The following CDH13 variants were observed in gnomAD, a reference collection of about 807,000 sequenced individuals.
CDH13 encodes cadherin-13.
CDH13 carries 24 observed loss-of-function variants against 63.8 expected under a neutral mutation model. The observed-to-expected ratio is 0.38, with a 90% CI of 0.27 to 0.53. The LOEUF (loss-of-function observed/expected upper bound fraction) is 0.53, where lower values mean the gene tolerates loss of function less well. Ranked by LOEUF, CDH13 falls within the 20% of genes least tolerant of loss-of-function variation. CDH13 has a pLI of 0.85. For missense variants in CDH13, 1,049 were observed against 903.1 expected (o/e 1.16, Z -2.07); for synonymous variants, 503 against 355.3 (o/e 1.42, Z -4.67).
intron 1 of CDH13, among the ~76,000 whole-genome samples, chr16:82,853,970 G>A (rs911464851): frequency 6.6e-6 from 1 of 152,212 alleles, no homozygotes. Context: ...TAATGTCCAA[G>A]TTCTAATTCT....
intron 1 of CDH13, among the ~76,000 whole-genome samples, chr16:82,829,029 G>T (rs2038397701): frequency 2.0e-5 from 3 of 152,048 alleles, no homozygotes; most frequent in African/African-American, 4.8e-5. Context: ...TTAGAAAAAA[G>T]GTGGACACAT....
chr16:83,202,693 C>T (rs1235323736), intron 4 of CDH13, among the ~76,000 whole-genome samples: 2 of 152,152 alleles, frequency 1.3e-5, no homozygotes, highest in African/African-American at 4.8e-5. Context: ...GGGCAGTCAA[C>T]GTGAATTTCC....
At chr16:83,146,224 AGG>A (rs2036745751) in intron 4 of CDH13, among the ~76,000 whole-genome samples, 1 of 151,464 alleles carries the variant, frequency 6.6e-6, no homozygotes, top group Admixed American at 6.6e-5. Context: ...AAGAAAAGGA[AGG>A]AGGGAAGGAA....
chr16:83,139,792 C>G (rs1408918625), intron 4 of CDH13, among the ~76,000 whole-genome samples: 1 of 152,028 alleles, frequency 6.6e-6, no homozygotes, highest in Non-Finnish European at 1.5e-5. Flanking sequence ...CACCTGAGGT[C>G]GGGAGTTTGA....
chr16:83,744,401 G>A (rs895196896), intron 10 of CDH13, among the ~76,000 whole-genome samples: 1 of 152,196 alleles, frequency 6.6e-6, no homozygotes, highest in Non-Finnish European at 1.5e-5. Flanking sequence ...ATGAAAGCCT[G>A]GTGTTTTTAA....
In CDH13 at chr16:83,425,465, C is replaced by T. The variant is rs565399586; in HGVS notation, c.782-61012C>T. 7.2e-5 allele frequency among the ~76,000 whole-genome samples: 11 copies of T among 152,380 alleles called. No individual in the cohort carries two copies. In the South Asian group the frequency reaches 1.2e-3, roughly 17 times the overall value. On this transcript the variant is annotated intron_variant, in intron 6 of 13. Transcript: ENST00000567109. ...GGCCAATTAATGAATGAAACAAGCT[C>T]CCTGCACTCAGGAGGCTCACAGAGA...
In CDH13 at chr16:82,644,199, G is replaced by A. The variant is rs1399582517; in HGVS notation, c.45+17062G>A. 4.6e-5 allele frequency among the ~76,000 whole-genome samples: 7 copies of A among 152,150 alleles called. No homozygotes were observed. The highest frequency in any genetic ancestry group is 4.6e-4 in the Admixed American group (7 of 15,278). The stretch of plus-strand genomic sequence containing the variant: ...CATGAATGTTTGGCACCCTTTGGCT[G>A]GTGCGGCTGAAGAATTCAATAGCCT... On this transcript the variant is annotated intron_variant, in intron 1 of 13. Coordinates refer to ENST00000567109, the MANE Select transcript of CDH13 (RefSeq NM_001257.5). The surrounding 1 kb of genome is among the most constrained non-coding windows in gnomAD (Gnocchi z 5.7).
intron 7 of CDH13, among the ~76,000 whole-genome samples, chr16:83,498,101 A>G (rs924674381): frequency 1.3e-5 from 2 of 152,230 alleles, no homozygotes; most frequent in Admixed American, 6.5e-5. Flanking sequence ...CCATCTAGAC[A>G]TTGACTAAAT....
intron 6 of CDH13, among the ~76,000 whole-genome samples, chr16:83,368,118 T>A (rs1404909796): frequency 6.6e-6 from 1 of 152,234 alleles, no homozygotes; most frequent in East Asian, 1.9e-4. Flanking sequence ...TATACTGATC[T>A]TGTGTCCTTT....
intron 6 of CDH13, among the ~76,000 whole-genome samples, chr16:83,415,919 A>C (rs2092194102): frequency 6.6e-6 from 1 of 152,310 alleles, no homozygotes; most frequent in East Asian, 1.9e-4. Flanking sequence ...GTAGGCAAGA[A>C]ATAGAAACAA....
chr16:82,860,655 A>T (rs201061423), intron 2 of CDH13, among the ~76,000 whole-genome samples: 4 of 146,888 alleles, frequency 2.7e-5, no homozygotes, highest in Admixed American at 1.4e-4. Context: ...AAAAAAAAAA[A>T]TCCAAAGCAG....
At chr16:82,814,177 C>A (rs1315061482) in intron 1 of CDH13, among the ~76,000 whole-genome samples, 2 of 152,036 alleles carry the variant, frequency 1.3e-5, no homozygotes, top group Non-Finnish European at 2.9e-5. Context: ...GTCTGTGAAC[C>A]CAGTTCCTGG....
At chr16:83,331,899 T>C (rs540816394) in intron 5 of CDH13, among the ~76,000 whole-genome samples, 56 of 152,192 alleles carry the variant, frequency 3.7e-4, no homozygotes, top group Non-Finnish European at 6.6e-4. Context: ...TTAAGCAATA[T>C]TGTAATGAGT....
intron 1 of CDH13, among the ~76,000 whole-genome samples, chr16:82,838,883 G>C (rs932829209): frequency 6.6e-6 from 1 of 152,080 alleles, no homozygotes; most frequent in South Asian, 2.1e-4. Flanking sequence ...GCTTTTAGTG[G>C]GTTCAACCCA....
chr16:82,745,830 T>C (rs1008717801), intron 1 of CDH13, among the ~76,000 whole-genome samples: 68 of 152,294 alleles, frequency 4.5e-4, no homozygotes, highest in African/African-American at 1.4e-3. Flanking sequence ...CCCCTCCAGT[T>C]TGACACTGCA....
chr16:82,680,098 C>G (rs1184622020), intron 1 of CDH13, among the ~76,000 whole-genome samples: 1 of 152,126 alleles, frequency 6.6e-6, no homozygotes, highest in Non-Finnish European at 1.5e-5. Context: ...AGAGTTGGTG[C>G]CAGTCTTCCA....
At chr16:83,222,619 A>T (rs1284373672) in intron 5 of CDH13, among the ~76,000 whole-genome samples, 1 of 152,032 alleles carries the variant, frequency 6.6e-6, no homozygotes, top group Non-Finnish European at 1.5e-5. Flanking sequence ...CCCAGCCCTC[A>T]CTAGTAGGGA....
In CDH13 at chr16:82,909,632, T is replaced by C. The variant is rs949181966; in HGVS notation, c.157+51159T>C. 1.3e-5 allele frequency among the ~76,000 whole-genome samples: 2 copies of C among 151,962 alleles called. 1 individual carries two copies. The highest frequency in any genetic ancestry group is 6.3e-3 in the Middle Eastern group (2 of 316). On this transcript the variant is annotated intron_variant, in intron 2 of 13. Transcript: ENST00000567109. ...CTTTTGTGGTGGCAGGCAAGAGAGC[T>C]CATGCATGGGAACTCCCATTTGTAA...
At chr16:82,991,403 A>G (rs564582643) in intron 2 of CDH13, among the ~76,000 whole-genome samples, 1 of 152,286 alleles carries the variant, frequency 6.6e-6, no homozygotes, top group African/African-American at 2.4e-5. Flanking sequence ...GAATTTTGAT[A>G]TAAATTGGCC....
Sources: allele counts gnomAD v4.1 joint callset (sites outside exome capture counted in the v4.1 genomes callset), GRCh38; gene constraint gnomAD v4.1.1; non-coding constraint Gnocchi (gnomAD v3.1); transcripts MANE v1.5; gene names NCBI Gene and HGNC (gene_info 2026-07-23, HGNC 2026-07-21).